The following OSTM1 variants were observed in gnomAD, a reference collection of about 807,000 sequenced individuals.
OSTM1 encodes the protein osteoclastogenesis associated transmembrane protein 1.
A neutral mutation model predicts 35.4 loss-of-function variants in OSTM1; 26 were observed. That is an observed-to-expected ratio of 0.73 (90% confidence interval 0.54 to 1.02). The LOEUF is 1.02. Among genes scored for constraint, OSTM1 ranks in the 50% least tolerant of loss-of-function variants. The probability of loss-of-function intolerance (pLI) is 0.00; values close to 1 mark genes in which losing one functional copy is unlikely to be tolerated. For synonymous variants in OSTM1, 181 were observed against 165.0 expected (o/e 1.10, Z -0.75); for missense variants, 366 against 409.6 (o/e 0.89, Z 0.92).
intron 5 of OSTM1, 79 bp from the exon 6 acceptor site, chr6:108,044,919 T>C (rs1771940729): frequency 5.5e-6 from 4 of 725,700 alleles, no homozygotes; most frequent in Non-Finnish European, 8.8e-6. Context: ...ATGTAATCTA[T>C]AGTATTTATC....
rs182640569 is a variant in OSTM1 at position 108,044,377 on chromosome 6, C to T, written c.*408G>A. The T allele has an allele frequency of 2.2e-3, 350 of 158,404 alleles. 1 individual carries two copies. Among genetic ancestry groups the T allele is most frequent in the African/African-American group, 8.2e-3 (340 of 41,596 alleles). The allele number at this position is 158,404 out of a possible 1,614,324, so 9.8% of individuals were successfully genotyped here. On this transcript the variant is annotated 3_prime_UTR_variant, in exon 6 of 6. Coordinates refer to ENST00000193322, the MANE Select transcript of OSTM1 (RefSeq NM_014028.4). ...TAATTAAGCTACTTCCTAACAAGTA[C>T]ATTTCTTTTTCAAAGTCTTTACTGT... is the stretch of plus-strand genomic sequence containing the variant.
At chr6:108,070,890 CAA>C (rs1338011470) in intron 1 of OSTM1, among the ~76,000 whole-genome samples, 28 of 80,624 alleles carry the variant, frequency 3.5e-4, no homozygotes, top group Non-Finnish European at 4.3e-4. Flanking sequence ...AACTCCGTCT[CAA>C]AAAAAAAAAA....
chr6:108,068,311 C>T (rs1772417753), intron 1 of OSTM1, among the ~76,000 whole-genome samples: 1 of 152,124 alleles, frequency 6.6e-6, no homozygotes, highest in African/African-American at 2.4e-5. Flanking sequence ...TGCCGACACT[C>T]CCAAAGGTGT....
At chr6:108,073,420 T>C (rs1398424082) in intron 1 of OSTM1, among the ~76,000 whole-genome samples, 3 of 152,158 alleles carry the variant, frequency 2.0e-5, no homozygotes, top group Non-Finnish European at 4.4e-5. Flanking sequence ...GCAGGAATTG[T>C]CTGTTTTTCT....
At chr6:108,064,977 G>A (rs540858702) in intron 1 of OSTM1, among the ~76,000 whole-genome samples, 206 of 152,306 alleles carry the variant, frequency 1.4e-3, no homozygotes, top group Non-Finnish European at 2.4e-3. Flanking sequence ...TCATGCCACA[G>A]CCTCCCAGGT....
chr6:108,062,089 A>G (rs1772284758), intron 2 of OSTM1, among the ~76,000 whole-genome samples: 1 of 151,764 alleles, frequency 6.6e-6, no homozygotes, highest in African/African-American at 2.4e-5. Context: ...TCTGTTTTCT[A>G]TATCATACCC....
Position 108,074,298 on chromosome 6 carries a change from G to A in OSTM1, c.354C>T (p.Leu118=). The A allele has an allele frequency of 1.2e-6, 2 of 1,612,538 alleles. No homozygotes were observed. Among genetic ancestry groups the A allele is most frequent in the Non-Finnish European group, 1.7e-6 (2 of 1,179,966 alleles). The change falls in exon 1 of 6, where the codon CTC becomes CTT. Residue 118 remains leucine, a synonymous_variant. Coordinates refer to ENST00000193322, the MANE Select transcript of OSTM1 (RefSeq NM_014028.4). The stretch of plus-strand genomic sequence containing the variant: ...CCATCTTGCTGACGACCTGTTGGAA[G>A]AGGGGGTAGCAGGTCTGACAGAGGC... The part of the protein sequence containing the change: ...PVRLCQTCYP[L]FQQVVSKMDN...
Position 108,042,193 on chromosome 6 carries a change from A to G in OSTM1, c.*2592T>C, listed in dbSNP as rs982563993. On this transcript the variant is annotated 3_prime_UTR_variant, in exon 6 of 6. Transcript: ENST00000193322. ...ATGCTTGTAATCCCAGCACTTTGGG[A>G]GGCTAAGGCAGGAGGATCTCTTGAA... 7.0e-6 allele frequency: 1 copy of G among 141,902 alleles called. No individual in the cohort carries two copies. The highest frequency in any genetic ancestry group is 2.6e-5 in the African/African-American group (1 of 38,780). 8.8% of individuals were successfully genotyped at this position (141,902 alleles called of 1,614,324 possible).
At chr6:108,048,876 C>T (rs911002962) in intron 5 of OSTM1, among the ~76,000 whole-genome samples, 2 of 151,592 alleles carry the variant, frequency 1.3e-5, no homozygotes, top group African/African-American at 2.4e-5. Context: ...CTCAGCCTCC[C>T]GAGTAGCTGG....
intron 2 of OSTM1, among the ~76,000 whole-genome samples, chr6:108,060,085 C>T (rs9374012): frequency 0.23 from 35,169 of 152,038 alleles, 4,166 homozygotes; most frequent in Admixed American, 0.26. Context: ...TCCAACTGCC[C>T]TCCCTCAAAA....
At chr6:108,045,105 T>TA (rs1771944268) in intron 5 of OSTM1, among the ~76,000 whole-genome samples, 2 of 152,130 alleles carry the variant, frequency 1.3e-5, no homozygotes, top group African/African-American at 4.8e-5. Flanking sequence ...ATCACAATCT[T>TA]AAATATGTAA....
intron 1 of OSTM1, among the ~76,000 whole-genome samples, chr6:108,065,768 T>G (rs1292805097): frequency 1.3e-5 from 2 of 152,176 alleles, no homozygotes; most frequent in Non-Finnish European, 1.5e-5. Flanking sequence ...CAACCTGAAG[T>G]GCTCTAAGTA....
chr6:108,048,779 T>G, intron 5 of OSTM1, among the ~76,000 whole-genome samples: 1 of 133,696 alleles, frequency 7.5e-6, no homozygotes, highest in Admixed American at 8.2e-5. Context: ...TTTGAGACAG[T>G]CTCACTCTGT....
chr6:108,072,229 A>T (rs1772497590), intron 1 of OSTM1, among the ~76,000 whole-genome samples: 1 of 152,184 alleles, frequency 6.6e-6, no homozygotes. Context: ...TGACAGGGAC[A>T]TGTCTTGGGT....
intron 5 of OSTM1, among the ~76,000 whole-genome samples, chr6:108,046,445 G>A (rs1348047650): frequency 8.8e-5 from 13 of 147,844 alleles, no homozygotes; most frequent in Non-Finnish European, 4.5e-5. Flanking sequence ...GGGTTCAAGC[G>A]ATTTTCCTGC....
chr6:108,062,535 C>CTTTTTTTTTTTTTTTTTTT (rs780041339), intron 2 of OSTM1, among the ~76,000 whole-genome samples: 4 of 131,072 alleles, frequency 3.1e-5, no homozygotes, highest in Non-Finnish European at 3.2e-5. Context: ...CTTTTCTTTT[C>CTTTTTTTTTTTTTTTTTTT]TTTTTTTTTT....
At chr6:108,045,511 AC>A (rs1282292492) in intron 5 of OSTM1, among the ~76,000 whole-genome samples, 5 of 151,852 alleles carry the variant, frequency 3.3e-5, no homozygotes, top group African/African-American at 1.2e-4. Context: ...AAAAAAAAAA[AC>A]AAAAACATTT....
chr6:108,065,204 C>A (rs1772355556), intron 1 of OSTM1, among the ~76,000 whole-genome samples: 2 of 150,890 alleles, frequency 1.3e-5, no homozygotes, highest in African/African-American at 4.9e-5. Context: ...ACCTTCTGAG[C>A]AATACCAGCC....
intron 2 of OSTM1, among the ~76,000 whole-genome samples, chr6:108,062,437 G>A (rs1378729230): frequency 1.3e-5 from 2 of 151,958 alleles, no homozygotes; most frequent in East Asian, 1.9e-4. Flanking sequence ...TTTTTGGACT[G>A]CAGTTGACTG....
Sources: gnomAD v4.1 joint callset for allele counts (sites outside exome capture counted in the v4.1 genomes callset) on GRCh38, gnomAD v4.1.1 for gene constraint, MANE v1.5 for transcripts, NCBI Gene and HGNC (gene_info 2026-07-23, HGNC 2026-07-21) for gene names.